Variants in PDZD8 observed in about 807,000 individuals in gnomAD.
PDZD8 encodes PDZ domain-containing protein 8.
A neutral mutation model predicts 85.8 loss-of-function variants in PDZD8; 14 were observed. The observed-to-expected ratio is 0.16, with a 90% CI of 0.11 to 0.26. PDZD8 has a LOEUF of 0.26. Among genes scored for constraint, PDZD8 ranks in the 10% least tolerant of loss-of-function variants. The probability of loss-of-function intolerance (pLI) is 1.00; values close to 1 mark genes in which losing one functional copy is unlikely to be tolerated. For synonymous variants in PDZD8, 592 were observed against 568.6 expected (o/e 1.04, Z -0.59); for missense variants, 1,197 against 1,424.3 (o/e 0.84, Z 2.57).
chr10:117,291,283 G>A (rs930172259), intron 3 of PDZD8, among the ~76,000 whole-genome samples: 15 of 152,018 alleles, frequency 9.9e-5, no homozygotes, highest in Non-Finnish European at 1.9e-4. Flanking sequence ...TGTAATCCCA[G>A]CACTTGGGAG....
intron 4 of PDZD8, among the ~76,000 whole-genome samples, chr10:117,286,617 T>C (rs1342815784): frequency 1.3e-5 from 2 of 152,186 alleles, no homozygotes; most frequent in African/African-American, 4.8e-5. Flanking sequence ...GATCACAAGC[T>C]CCTATTTTTC....
chr10:117,337,721 A>G (rs1316048737), intron 2 of PDZD8, among the ~76,000 whole-genome samples: 4 of 152,176 alleles, frequency 2.6e-5, no homozygotes. Context: ...TAGGTATCCT[A>G]TGTGGTAGGC....
At chr10:117,357,765 CCAAAAAAAA>C (rs1844921427) in intron 1 of PDZD8, among the ~76,000 whole-genome samples, 1 of 28,252 alleles carries the variant, frequency 3.5e-5, no homozygotes. Flanking sequence ...GACTTCATCT[CCAAAAAAAA>C]AAAAAAAAAA....
At chr10:117,346,003 G>A (rs924125462) in intron 1 of PDZD8, among the ~76,000 whole-genome samples, 2 of 152,170 alleles carry the variant, frequency 1.3e-5, no homozygotes, top group African/African-American at 2.4e-5. Context: ...CACTTTGGGA[G>A]GCTGAGGCGG....
chr10:117,279,286 T>C lies in PDZD8; in HGVS notation c.*3982A>G, dbSNP rs1187199336. The C allele has an allele frequency of 6.6e-6, 1 of 152,232 alleles. No homozygotes were observed. The highest frequency in any genetic ancestry group is 1.5e-5 in the Non-Finnish European group (1 of 68,040). The allele number at this position is 152,232 out of a possible 1,614,324, so 9.4% of individuals were successfully genotyped here. A position where few individuals can be genotyped will look rare whatever the true frequency, so the allele number is the denominator to read the frequency against. On this transcript the variant is annotated 3_prime_UTR_variant, in exon 5 of 5. Coordinates refer to ENST00000334464, the MANE Select transcript of PDZD8 (RefSeq NM_173791.5). ...ATACAGCTCTCTGAACATTTATTTT[T>C]TGAACAGAGGTGGTTTTTATGTTTG...
At chr10:117,287,253 T>C (rs576127541) in intron 4 of PDZD8, among the ~76,000 whole-genome samples, 16 of 152,288 alleles carry the variant, frequency 1.1e-4, no homozygotes, top group African/African-American at 3.9e-4. Flanking sequence ...CTTTACACAA[T>C]TGGTTCTGAT....
At chr10:117,365,918 T>C (rs949924480) in intron 1 of PDZD8, among the ~76,000 whole-genome samples, 3 of 152,192 alleles carry the variant, frequency 2.0e-5, no homozygotes, top group Non-Finnish European at 4.4e-5. Context: ...GGAAGAAATG[T>C]TGAGTCAGTA....
At chr10:117,368,226 C>T (rs1174527230) in intron 1 of PDZD8, among the ~76,000 whole-genome samples, 1 of 152,164 alleles carries the variant, frequency 6.6e-6, no homozygotes, top group Non-Finnish European at 1.5e-5. Context: ...TTATTCATCT[C>T]TAAGACAATG....
intron 3 of PDZD8, among the ~76,000 whole-genome samples, chr10:117,292,801 G>A (rs932616168): frequency 6.7e-6 from 1 of 150,236 alleles, no homozygotes; most frequent in African/African-American, 2.4e-5. Flanking sequence ...GTTTTCAGTA[G>A]CAATAATTAG....
intron 4 of PDZD8, among the ~76,000 whole-genome samples, chr10:117,288,235 C>A (rs1844698481): frequency 2.0e-5 from 3 of 151,972 alleles, no homozygotes; most frequent in African/African-American, 7.3e-5. Flanking sequence ...ATAAATGAAT[C>A]AAAGCGATAT....
At chr10:117,337,221 C>G (rs930841832) in intron 2 of PDZD8, among the ~76,000 whole-genome samples, 1 of 152,014 alleles carries the variant, frequency 6.6e-6, no homozygotes, top group African/African-American at 2.4e-5. Context: ...TACATGTTTT[C>G]TTTGCAAAAT....
rs543553076 is a variant in PDZD8, at chr10:117,374,324, C to A, written c.872+32G>T. 2 of 1,603,112 alleles carry A rather than the reference C, an allele frequency of 1.2e-6. No individual in the cohort carries two copies. Among genetic ancestry groups the A allele is most frequent in the African/African-American group, 1.3e-5 (1 of 74,846 alleles). ...GTCCCGCCCAGGCCCGGGTTCCCGG[C>A]AGCCAGGCCCCCTCCCCGACCTCCA... On this transcript the variant is annotated intron_variant, in intron 1 of 4. Transcript: ENST00000334464. This position sits in a 1 kb window ranked among gnomAD's most constrained non-coding sequence, Gnocchi z 7.8.
chr10:117,331,360 T>G (rs913667055), intron 2 of PDZD8, among the ~76,000 whole-genome samples: 1 of 152,238 alleles, frequency 6.6e-6, no homozygotes, highest in African/African-American at 2.4e-5. Flanking sequence ...GTATTACCCC[T>G]AATTTACACA....
At chr10:117,330,553 C>G (rs1844404452) in intron 2 of PDZD8, among the ~76,000 whole-genome samples, 1 of 152,162 alleles carries the variant, frequency 6.6e-6, no homozygotes, top group South Asian at 2.1e-4. Flanking sequence ...CTTTGCCTCC[C>G]CTGCCTATTA....
At chr10:117,372,271 A>G (rs1258875745) in intron 1 of PDZD8, among the ~76,000 whole-genome samples, 2 of 152,238 alleles carry the variant, frequency 1.3e-5, no homozygotes, top group African/African-American at 4.8e-5. Context: ...CTTCAAAGTG[A>G]AAAGCAATTT....
At chr10:117,319,433 A>ACACACACACACACT (rs1403355327) in intron 2 of PDZD8, among the ~76,000 whole-genome samples, 1 of 22,966 alleles carries the variant, frequency 4.4e-5, no homozygotes, top group African/African-American at 6.2e-5. Context: ...ACACACACAC[A>ACACACACACACACT]CTCTTCATCT....
intron 3 of PDZD8, among the ~76,000 whole-genome samples, chr10:117,290,897 TCTCACTCTGTCAC>T (rs1844748873): frequency 7.5e-6 from 1 of 134,104 alleles, no homozygotes; most frequent in Non-Finnish European, 1.5e-5. Context: ...TGAGACAGGG[TCTCACTCTGTCAC>T]CTAGGCTGGA....
chr10:117,295,556 GAAAGAAA>G (rs1383979068), intron 3 of PDZD8, among the ~76,000 whole-genome samples: 4 of 152,002 alleles, frequency 2.6e-5, no homozygotes, highest in Non-Finnish European at 4.4e-5. Flanking sequence ...GGTGAATTCT[GAAAGAAA>G]AAATAAAACA....
rs535076695 is a variant in PDZD8, at chr10:117,321,172, A to G, written c.996-2198T>C. 3.3e-5 allele frequency among the ~76,000 whole-genome samples: 5 copies of G among 152,318 alleles called. No homozygotes were observed. In the East Asian group the frequency reaches 5.8e-4, roughly 18 times the overall value. ...GTAAGCAAGAGAAATGAAAGCATAC[A>G]TTCATACATGCATGCAAATGTTCAC... On this transcript the variant is annotated intron_variant, in intron 2 of 4. Transcript: ENST00000334464.
Sources: gnomAD v4.1 joint callset for allele counts (sites outside exome capture counted in the v4.1 genomes callset) on GRCh38, gnomAD v4.1.1 for gene constraint, Gnocchi (gnomAD v3.1) non-coding constraint, MANE v1.5 for transcripts, NCBI Gene and HGNC (gene_info 2026-07-23, HGNC 2026-07-21) for gene names.